PTPRN2: variants seen among roughly 807,000 people sequenced by gnomAD.
PTPRN2 encodes the protein protein tyrosine phosphatase receptor type N2, also known as receptor-type tyrosine-protein phosphatase N2.
Under a neutral mutation model 118.8 loss-of-function variants are expected in PTPRN2, and 74 were observed. That is an observed-to-expected ratio of 0.62 (90% CI 0.52 to 0.76). The LOEUF (loss-of-function observed/expected upper bound fraction) is 0.76, where lower values mean the gene tolerates loss of function less well. Among genes scored for constraint, PTPRN2 ranks in the 30% least tolerant of loss-of-function variants. The pLI, the probability that PTPRN2 is intolerant of heterozygous loss-of-function variation, is 0.00. For synonymous variants in PTPRN2, 641 were observed against 608.0 expected (o/e 1.05, Z -0.80); for missense variants, 1,481 against 1,394.4 (o/e 1.06, Z -0.99).
At chr7:157,606,642 C>A in intron 15 of PTPRN2, among the ~76,000 whole-genome samples, 1 of 152,262 alleles carries the variant, frequency 6.6e-6, no homozygotes, top group East Asian at 1.9e-4. Context: ...TGTGGCCAAA[C>A]TCCAAACTCG....
At chr7:158,203,050 G>A (rs1209679661) in intron 4 of PTPRN2, among the ~76,000 whole-genome samples, 1 of 151,736 alleles carries the variant, frequency 6.6e-6, no homozygotes, top group Non-Finnish European at 1.5e-5. Context: ...TGGCCAACAC[G>A]GCAAAACCCC....
intron 11 of PTPRN2, among the ~76,000 whole-genome samples, chr7:158,016,006 G>T (rs1806426972): frequency 6.6e-6 from 1 of 152,164 alleles, no homozygotes; most frequent in African/African-American, 2.4e-5. Context: ...AGGTTCTGGG[G>T]GCCTCGGTGG....
At chr7:157,992,408 G>T (rs1020404772) in intron 11 of PTPRN2, among the ~76,000 whole-genome samples, 2 of 152,228 alleles carry the variant, frequency 1.3e-5, no homozygotes, top group African/African-American at 4.8e-5. Flanking sequence ...GCTTCTGCCT[G>T]TGGGAAGAGC....
rs542943890 is a variant in PTPRN2, at chr7:157,618,144, C to T, written c.2344+3218G>A. ...TCCGATCAGGGTGCATCTGGGAAGT[C>T]GGGCGACTGTGTCCATCTCCTGGGT... On this transcript the variant is annotated intron_variant, in intron 15 of 22. Transcript: ENST00000389418. The surrounding 1 kb of genome is among the most constrained non-coding windows in gnomAD (Gnocchi z 4.2). The T allele has an allele frequency of 8.3e-4, 126 of 152,302 alleles. No individual in the cohort carries two copies. Among genetic ancestry groups the T allele is most frequent in the Non-Finnish European group, 1.4e-3 (94 of 68,054 alleles). 9.4% of individuals were successfully genotyped at this position (152,302 alleles called of 1,614,324 possible).
At chr7:158,568,780 T>C (rs1258013884) in intron 1 of PTPRN2, among the ~76,000 whole-genome samples, 2 of 151,970 alleles carry the variant, frequency 1.3e-5, no homozygotes, top group Non-Finnish European at 2.9e-5. Flanking sequence ...ACTAAAAATG[T>C]TTAAATAAAA....
intron 21 of PTPRN2, among the ~76,000 whole-genome samples, chr7:157,556,770 C>G (rs1489950870): frequency 2.0e-5 from 3 of 150,866 alleles, no homozygotes; most frequent in Non-Finnish European, 3.0e-5. Context: ...CACATGCACA[C>G]ACACATGCAC....
chr7:158,038,304 G>T (rs1319578986), intron 11 of PTPRN2, among the ~76,000 whole-genome samples: 1 of 151,934 alleles, frequency 6.6e-6, no homozygotes, highest in Non-Finnish European at 1.5e-5. Flanking sequence ...CAGGAGAAAG[G>T]GTATTTCAAC....
intron 12 of PTPRN2, among the ~76,000 whole-genome samples, chr7:157,685,435 G>A (rs1195453518): frequency 6.6e-6 from 1 of 152,098 alleles, no homozygotes; most frequent in African/African-American, 2.4e-5. Flanking sequence ...GTGGCACCCA[G>A]GCTGTGCGCG....
At chr7:158,441,745 G>GGCA (rs1817290339) in intron 2 of PTPRN2, among the ~76,000 whole-genome samples, 3 of 148,214 alleles carry the variant, frequency 2.0e-5, no homozygotes, top group Non-Finnish European at 1.5e-5. Context: ...TGGCAGTGGT[G>GGCA]GTGATAGTGA....
rs146841260 is a variant in PTPRN2, at chr7:158,368,573, C to T, written c.164-51641G>A. Among the ~76,000 whole-genome samples, 464 of 152,266 alleles carry T rather than the reference C, an allele frequency of 3.0e-3. 1 individual carries two copies. The highest frequency in any genetic ancestry group is 7.0e-3 in the South Asian group (34 of 4,828). On this transcript the variant is annotated intron_variant, in intron 2 of 22. Coordinates refer to ENST00000389418, the MANE Select transcript of PTPRN2 (RefSeq NM_002847.5). ...CTGTTAGTTCCTGGCCCGGCCCGCCCGCACAGTAAATGAGAAATGACAGGT... is the reference window on the plus strand; with the variant it reads ...CTGTTAGTTCCTGGCCCGGCCCGCCTGCACAGTAAATGAGAAATGACAGGT...
At chr7:157,759,921 G>A (rs1043073029) in intron 12 of PTPRN2, among the ~76,000 whole-genome samples, 1 of 152,156 alleles carries the variant, frequency 6.6e-6, no homozygotes, top group East Asian at 1.9e-4. Context: ...ATCCTGAGTT[G>A]TCTGCCCAGG....
At chr7:158,461,266 G>A (rs1733155) in intron 2 of PTPRN2, among the ~76,000 whole-genome samples, 151,621 of 152,238 alleles carry the variant, frequency 1, 75,506 homozygotes, top group Middle Eastern at 1. Flanking sequence ...GAGGCCGAAG[G>A]GGGTGGATCA....
At chr7:157,694,476 C>A (rs1053947615) in intron 12 of PTPRN2, among the ~76,000 whole-genome samples, 2 of 152,142 alleles carry the variant, frequency 1.3e-5, no homozygotes, top group African/African-American at 2.4e-5. Flanking sequence ...CTGGCCTCGC[C>A]AAAGCTGAAG....
intron 11 of PTPRN2, among the ~76,000 whole-genome samples, chr7:157,979,209 G>GA (rs1248027765): frequency 4.0e-5 from 6 of 150,948 alleles, no homozygotes; most frequent in South Asian, 2.1e-4. Context: ...TGAATGGATA[G>GA]AAAAAAAAAG....
chr7:157,654,568 C>T (rs560318788), intron 14 of PTPRN2, among the ~76,000 whole-genome samples: 2 of 152,296 alleles, frequency 1.3e-5, no homozygotes, highest in South Asian at 2.1e-4. Flanking sequence ...GAAACAGGAC[C>T]CCGTCACGGT....
intron 2 of PTPRN2, among the ~76,000 whole-genome samples, chr7:158,386,435 C>T (rs1163128618): frequency 1.1e-4 from 16 of 152,144 alleles, no homozygotes; most frequent in Non-Finnish European, 1.2e-4. Flanking sequence ...GCCCCGAGTC[C>T]CTCCTCCCAT....
At chr7:158,273,927 C>G (rs1798740373) in intron 3 of PTPRN2, among the ~76,000 whole-genome samples, 3 of 137,742 alleles carry the variant, frequency 2.2e-5, no homozygotes, top group South Asian at 2.3e-4. Flanking sequence ...GCCGCAGACA[C>G]AGGGGGAGCC....
intron 10 of PTPRN2, 145 bp downstream of exon 10, chr7:158,110,684 A>G: frequency 1.3e-6 from 1 of 744,074 alleles, no homozygotes; most frequent in Non-Finnish European, 2.2e-6. Context: ...AACTTACCAA[A>G]GCTGCTGAAA....
intron 12 of PTPRN2, among the ~76,000 whole-genome samples, chr7:157,838,357 T>G (rs1216217943): frequency 6.7e-6 from 1 of 148,558 alleles, no homozygotes; most frequent in Non-Finnish European, 1.5e-5. Context: ...TCGTAGTGGA[T>G]GGCATGGGAG....
Sources: allele counts gnomAD v4.1 joint callset (sites outside exome capture counted in the v4.1 genomes callset), GRCh38; gene constraint gnomAD v4.1.1; non-coding constraint Gnocchi (gnomAD v3.1); transcripts MANE v1.5; gene names NCBI Gene and HGNC (gene_info 2026-07-23, HGNC 2026-07-21).